The following SYDE1 variants were observed in gnomAD, a reference collection of about 807,000 sequenced individuals.
SYDE1 encodes the protein synapse defective Rho GTPase activating protein 1.
A neutral mutation model predicts 63.3 loss-of-function variants in SYDE1; 34 were observed. The ratio of observed to expected loss-of-function variants is 0.54; its 90% CI spans 0.41 to 0.71. The LOEUF is 0.71. Among genes scored for constraint, SYDE1 ranks in the 30% least tolerant of loss-of-function variants. The pLI, the probability that SYDE1 is intolerant of heterozygous loss-of-function variation, is 0.00. For synonymous variants in SYDE1, 467 were observed against 473.4 expected, an observed-to-expected ratio of 0.99 and a Z score of 0.18; for missense variants, 925 against 1,042.5, an observed-to-expected ratio of 0.89 and a Z score of 1.55.
At position 15,110,438 on chromosome 19, in the gene SYDE1, G is replaced by A. The variant is rs1376677543; in HGVS notation, c.1076-83G>A. On this transcript the variant is annotated intron_variant, in intron 3 of 7. Coordinates refer to ENST00000342784, the MANE Select transcript of SYDE1 (RefSeq NM_033025.6). The surrounding 1 kb of genome is among the most constrained non-coding windows in gnomAD (Gnocchi z 6.9). Reference sequence around the variant, plus strand: ...GAGTGCCTAGGGGGCTGGGCTCCGGGCGGAAGGTGTGGCCTGGAGCAGCGA... The same window carrying A: ...GAGTGCCTAGGGGGCTGGGCTCCGGACGGAAGGTGTGGCCTGGAGCAGCGA... 6 of 1,487,042 alleles carry A rather than the reference G, an allele frequency of 4.0e-6. No individual in the cohort carries two copies. In the East Asian group the frequency reaches 1.5e-4, roughly 37 times the overall value. The allele number at this position is 1,487,042 out of a possible 1,614,324, so 92.1% of individuals were successfully genotyped here.
intron 7 of SYDE1, 113 bp from the exon 8 acceptor site, chr19:15,113,447 C>A (rs2145331070): frequency 7.7e-7 from 1 of 1,290,880 alleles, no homozygotes; most frequent in Non-Finnish European, 1.1e-6. Flanking sequence ...CCAGTGAAAA[C>A]CTGAAAGGGT....
chr19:15,111,936 C>A lies in SYDE1; in HGVS notation c.1578+144C>A, dbSNP rs1010885639. ...AATAGGTGCTATTAGCATCCCACTT[C>A]ATAGATTTGGAAACTGAGGCCCAAA... On this transcript the variant is annotated intron_variant, in intron 6 of 7. Transcript: ENST00000342784. This position sits in a 1 kb window ranked among gnomAD's most constrained non-coding sequence, Gnocchi z 5.5. 5.6e-6 allele frequency: 5 copies of A among 886,942 alleles called. No individual in the cohort carries two copies. In the African/African-American group the frequency reaches 6.8e-5, roughly 12 times the overall value. The allele number at this position is 886,942 out of a possible 1,614,324, so 54.9% of individuals were successfully genotyped here.
At position 15,110,749 on chromosome 19, in the gene SYDE1, C is replaced by T; in HGVS notation, c.1290+14C>T. ...CGAGGGCTGCGGGTGAGCACCCACCCCACCCCAACCCTCTGGCCCCCAGAC... is the reference window on the plus strand; with the variant it reads ...CGAGGGCTGCGGGTGAGCACCCACCTCACCCCAACCCTCTGGCCCCCAGAC... On this transcript the variant is annotated intron_variant, in intron 4 of 7. Transcript: ENST00000342784. The surrounding 1 kb of genome is among the most constrained non-coding windows in gnomAD (Gnocchi z 6.9). The T allele has an allele frequency of 1.3e-6, 2 of 1,523,472 alleles. No homozygotes were observed. The highest frequency in any genetic ancestry group is 2.4e-5 in the South Asian group (2 of 82,456). The allele number at this position is 1,523,472 out of a possible 1,614,324, so 94.4% of individuals were successfully genotyped here.
intron 7 of SYDE1, 97 bp downstream of exon 7, chr19:15,112,668 C>T (rs542267773): frequency 3.9e-5 from 42 of 1,076,484 alleles, no homozygotes; most frequent in Admixed American, 1.7e-4. Flanking sequence ...CTTGAAGCTA[C>T]GCCCCCTCAT....
In SYDE1 at chr19:15,113,997, G is replaced by A. The variant is rs762520245; in HGVS notation, c.*34G>A. 2.1e-5 allele frequency: 34 copies of A among 1,583,024 alleles called. No individual in the cohort carries two copies. Among genetic ancestry groups the A allele is most frequent in the Non-Finnish European group, 2.8e-5 (32 of 1,163,044 alleles). ...ACGGGGTGGGACCCCGGTTAGTAAG[G>A]ACCGGGCGCCCAGTGGCTAAGGCGG... On this transcript the variant is annotated 3_prime_UTR_variant, in exon 8 of 8. Transcript: ENST00000342784.
In SYDE1 at chr19:15,109,767, G is replaced by C. The variant is rs767855988; in HGVS notation, c.494G>C (p.Arg165Pro). 27 of 1,537,882 alleles carry C rather than the reference G, an allele frequency of 1.8e-5. No individual in the cohort carries two copies. The highest frequency in any genetic ancestry group is 2.4e-5 in the Non-Finnish European group (27 of 1,144,428). Residue 165 changes from arginine to proline, a missense_variant, in exon 3 of 8, where the codon CGC (arginine) becomes CCC (proline). Physicochemically the swap from Arg to Pro is moderately radical, Grantham distance 103. Coordinates refer to ENST00000342784, the MANE Select transcript of SYDE1 (RefSeq NM_033025.6). This position sits in a 1 kb window ranked among gnomAD's most constrained non-coding sequence, Gnocchi z 5.0. ...SRTKSPGPARRLSIKMKKLPE... is the reference protein window; with the variant it reads ...SRTKSPGPARPLSIKMKKLPE... ...ACCAAGTCCCCGGGCCCCGCCAGGCGCCTCTCCATAAAGATGAAGAAGCTG... is the reference window on the plus strand; with the variant it reads ...ACCAAGTCCCCGGGCCCCGCCAGGCCCCTCTCCATAAAGATGAAGAAGCTG...
intron 1 of SYDE1, among the ~76,000 whole-genome samples, chr19:15,107,856 CTG>C (rs2046317425): frequency 1.3e-5 from 2 of 151,968 alleles, no homozygotes; most frequent in Non-Finnish European, 2.9e-5. Context: ...GGCCGGGACA[CTG>C]GGGCCCAGTC....
chr19:15,112,664 G>GCTA, intron 7 of SYDE1, 93 bp downstream of exon 7: 1 of 1,109,370 alleles, frequency 9.0e-7, no homozygotes, highest in South Asian at 1.7e-5. Flanking sequence ...TAGGCTTGAA[G>GCTA]CTACGCCCCC....
Position 15,109,405 on chromosome 19 carries a change from C to A in SYDE1, c.430+8C>A. 6.5e-7 allele frequency: 1 copy of A among 1,530,788 alleles called. No individual in the cohort carries two copies. The allele number at this position is 1,530,788 out of a possible 1,614,324, so 94.8% of individuals were successfully genotyped here. ...AGGGCCTGGCCCCCCAAGGTAAGAA[C>A]AAGCTTCCCATCCCCTTCCCCAAGG... On this transcript the variant is annotated splice_region_variant and intron_variant, in intron 2 of 7. Coordinates refer to ENST00000342784, the MANE Select transcript of SYDE1 (RefSeq NM_033025.6). The surrounding 1 kb of genome is among the most constrained non-coding windows in gnomAD (Gnocchi z 5.0).
Position 15,110,489 on chromosome 19 carries a change from C to A in SYDE1, c.1076-32C>A, listed in dbSNP as rs1396573738. Reference sequence around the variant, plus strand: ...GGCCAGGGTACATGAAGCTTCAGAGCACACCCGGCTCAGGCCCCCTTGTGT... The same window carrying A: ...GGCCAGGGTACATGAAGCTTCAGAGAACACCCGGCTCAGGCCCCCTTGTGT... On this transcript the variant is annotated intron_variant, in intron 3 of 7. Coordinates refer to ENST00000342784, the MANE Select transcript of SYDE1 (RefSeq NM_033025.6). The surrounding 1 kb of genome is among the most constrained non-coding windows in gnomAD (Gnocchi z 6.9). 6 of 1,537,700 alleles carry A rather than the reference C, an allele frequency of 3.9e-6. No individual in the cohort carries two copies. In the South Asian group the frequency reaches 7.1e-5, roughly 18 times the overall value.
In SYDE1 at chr19:15,110,559, C is replaced by T; in HGVS notation, c.1114C>T (p.Gln372Ter). 1 of 1,597,450 alleles carries T rather than the reference C, an allele frequency of 6.3e-7. No individual in the cohort carries two copies. The change falls in exon 4 of 8, where the codon CAG (glutamine) becomes TAG (stop). Residue 372 changes from glutamine (Q) to a stop codon, truncating the protein, a stop_gained. Coordinates refer to ENST00000342784, the MANE Select transcript of SYDE1 (RefSeq NM_033025.6). LOFTEE classifies it high-confidence loss of function. This position sits in a 1 kb window ranked among gnomAD's most constrained non-coding sequence, Gnocchi z 6.9. Reference sequence around the variant, plus strand: ...ACAGCTGGCCGTGCGCCTGGAGCCTCAGGGGCTGCTGTATGCCAAGCTGAC... The same window carrying T: ...ACAGCTGGCCGTGCGCCTGGAGCCTTAGGGGCTGCTGTATGCCAAGCTGAC... ...AQQLAVRLEP[Q>*]GLLYAKLTLS...
rs1434297386 is a variant in SYDE1, at chr19:15,112,230, A to C, written c.1579-116A>C. 4 of 666,122 alleles carry C rather than the reference A, an allele frequency of 6.0e-6. No individual in the cohort carries two copies. In the East Asian group the frequency reaches 1.1e-4, roughly 18 times the overall value. 41.3% of individuals were successfully genotyped at this position (666,122 alleles called of 1,614,324 possible). Reference sequence around the variant, plus strand: ...TGATTAATAGTCTTAACCCGACCACATCCCAGCTATGAGACTGTGAACCTG... The same window carrying C: ...TGATTAATAGTCTTAACCCGACCACCTCCCAGCTATGAGACTGTGAACCTG... On this transcript the variant is annotated intron_variant, in intron 6 of 7. Transcript: ENST00000342784.
rs2046328290 is a variant in SYDE1, at chr19:15,109,553, CG to C, written c.431-150del. The C allele has an allele frequency of 1.0e-6, 1 of 996,052 alleles. No individual in the cohort carries two copies. Among genetic ancestry groups the C allele is most frequent in the African/African-American group, 1.6e-5 (1 of 60,862 alleles). 61.7% of individuals were successfully genotyped at this position (996,052 alleles called of 1,614,324 possible). ...GAGCACCAGCCTCACATCCCCACCC[CG>C]TCAGATGCTCCCAGAGGAGCATCAG... On this transcript the variant is annotated intron_variant, in intron 2 of 7. Transcript: ENST00000342784. The surrounding 1 kb of genome is among the most constrained non-coding windows in gnomAD (Gnocchi z 5.0).
rs750648990 is a variant in SYDE1 at position 15,107,506 on chromosome 19, G to A, written c.73G>A (p.Asp25Asn). 1.4e-5 allele frequency: 21 copies of A among 1,545,644 alleles called. No individual in the cohort carries two copies. Among genetic ancestry groups the A allele is most frequent in the Non-Finnish European group, 1.8e-5 (21 of 1,143,254 alleles). ...GREKLPRKKS[D>N]AKERGHPAQR... The stretch of plus-strand genomic sequence containing the variant: ...GGAGAAACTTCCCCGGAAAAAGTCG[G>A]ACGCCAAGGAGCGCGGTAAGCGGAG... Residue 25 changes from aspartate to asparagine, a missense_variant, in exon 1 of 8, where the codon GAC becomes AAC. Coordinates refer to ENST00000342784, the MANE Select transcript of SYDE1 (RefSeq NM_033025.6).
At position 15,109,681 on chromosome 19, in the gene SYDE1, C is replaced by T; in HGVS notation, c.431-23C>T. 3 of 1,449,574 alleles carry T rather than the reference C, an allele frequency of 2.1e-6. No individual in the cohort carries two copies. The highest frequency in any genetic ancestry group is 1.8e-6 in the Non-Finnish European group (2 of 1,095,870). 89.8% of individuals were successfully genotyped at this position (1,449,574 alleles called of 1,614,324 possible). A position where few individuals can be genotyped will look rare whatever the true frequency, so the allele number is the denominator to read the frequency against. ...CTCCCCTAAGCCCAGGTTCCTGGACCCTGAAGTCTGCTCTCCACACAGGTG... is the reference window on the plus strand; with the variant it reads ...CTCCCCTAAGCCCAGGTTCCTGGACTCTGAAGTCTGCTCTCCACACAGGTG... On this transcript the variant is annotated intron_variant, in intron 2 of 7. Transcript: ENST00000342784. This position sits in a 1 kb window ranked among gnomAD's most constrained non-coding sequence, Gnocchi z 5.0.
chr19:15,111,570 T>C lies in SYDE1; in HGVS notation c.1418-62T>C. 1 of 1,607,014 alleles carries C rather than the reference T, an allele frequency of 6.2e-7. No homozygotes were observed. Among genetic ancestry groups the C allele is most frequent in the Non-Finnish European group, 8.5e-7 (1 of 1,175,724 alleles). On this transcript the variant is annotated intron_variant, in intron 5 of 7. Coordinates refer to ENST00000342784, the MANE Select transcript of SYDE1 (RefSeq NM_033025.6). The surrounding 1 kb of genome is among the most constrained non-coding windows in gnomAD (Gnocchi z 5.5). ...CACCCACCTCCTCTTCCCCCTTAGC[T>C]GTGCCCTCCTTAGCCTTAGAAGCCA...
chr19:15,113,759 T>G lies in SYDE1; in HGVS notation c.2004T>G (p.Asp668Glu). ...CGRDFLPCGR[D>E]FLSGPDYDHV... ...GGGACTTCCTGCCCTGTGGGCGGGATTTCCTGTCCGGGCCAGACTACGACC... is the reference window on the plus strand; with the variant it reads ...GGGACTTCCTGCCCTGTGGGCGGGAGTTCCTGTCCGGGCCAGACTACGACC... Residue 668 changes from aspartate (D) to glutamate (E), a missense_variant, in exon 8 of 8, where the codon GAT becomes GAG. Physicochemically the swap from Asp to Glu is conservative, Grantham distance 45 (BLOSUM62 2). Around this residue, in one of 3 missense-constraint regions of SYDE1, gnomAD observed 255 missense variants for 255.9 expected, o/e 1.00. Coordinates refer to ENST00000342784, the MANE Select transcript of SYDE1 (RefSeq NM_033025.6). The G allele has an allele frequency of 1.9e-6, 3 of 1,614,004 alleles. No homozygotes were observed. Among genetic ancestry groups the G allele is most frequent in the Middle Eastern group, 3.3e-4 (2 of 6,058 alleles).
rs376420111 is a variant in SYDE1 at position 15,111,329 on chromosome 19, G to A, written c.1307G>A (p.Arg436His). The change falls in exon 5 of 8, where the codon CGT becomes CAT. Residue 436 changes from arginine to histidine, a missense_variant. Transcript: ENST00000342784. The surrounding 1 kb of genome is among the most constrained non-coding windows in gnomAD (Gnocchi z 5.5). ...CACCCCCAGGTAGTGGGACTGTACC[G>A]TCTTTGTGGCTCAGCGGCAGTGAAG... is the stretch of plus-strand genomic sequence containing the variant. ...RRGLRVVGLY[R>H]LCGSAAVKKE... 2.5e-6 allele frequency: 4 copies of A among 1,614,002 alleles called. No individual in the cohort carries two copies. The highest frequency in any genetic ancestry group is 3.4e-6 in the Non-Finnish European group (4 of 1,180,014).
rs564883328 is a variant in SYDE1 at position 15,109,351 on chromosome 19, G to A, written c.384G>A (p.Pro128=). Residue 128 remains proline (P), a synonymous_variant, in exon 2 of 8, where the codon CCG becomes CCA. Coordinates refer to ENST00000342784, the MANE Select transcript of SYDE1 (RefSeq NM_033025.6). The surrounding 1 kb of genome is among the most constrained non-coding windows in gnomAD (Gnocchi z 5.0). Reference sequence around the variant, plus strand: ...CCAGACCTCCAGCACCTGAGCCCCCGGGGCCACAGCCTGGCTCAGCTGAGT... The same window carrying A: ...CCAGACCTCCAGCACCTGAGCCCCCAGGGCCACAGCCTGGCTCAGCTGAGT... The part of the protein sequence containing the change: ...EDPRPPAPEP[P]GPQPGSAESE... 82 of 1,593,806 alleles carry A rather than the reference G, an allele frequency of 5.1e-5. No homozygotes were observed. The East Asian group carries it at 8.3e-4, about 16-fold the overall frequency.
Sources: gnomAD v4.1 joint callset for allele counts (sites outside exome capture counted in the v4.1 genomes callset) on GRCh38, gnomAD v4.1.1 for gene constraint, gnomAD v4.1.1 regional missense constraint, Gnocchi (gnomAD v3.1) non-coding constraint, MANE v1.5 for transcripts, NCBI Gene and HGNC (gene_info 2026-07-23, HGNC 2026-07-21) for gene names.